AUTS2: variants seen among roughly 807,000 people sequenced by gnomAD.
AUTS2 encodes the protein activator of transcription and developmental regulator AUTS2, also known as autism susceptibility gene 2 protein.
In AUTS2, 17 loss-of-function variants were observed where a neutral mutation model predicts 112.4. That is an observed-to-expected ratio of 0.15 (90% CI 0.10 to 0.23). The LOEUF is 0.23. AUTS2 is among the 10% of genes least tolerant of loss of function. The pLI, the probability that AUTS2 is intolerant of heterozygous loss-of-function variation, is 1.00. For missense variants in AUTS2, 1,510 were observed against 1,701.6 expected, an observed-to-expected ratio of 0.89 and a Z score of 1.98; for synonymous variants, 751 against 702.7, an observed-to-expected ratio of 1.07 and a Z score of -1.09.
At chr7:70,421,538 A>G (rs905972234) in intron 4 of AUTS2, among the ~76,000 whole-genome samples, 4 of 152,178 alleles carry the variant, frequency 2.6e-5, no homozygotes, top group African/African-American at 7.2e-5. Context: ...GCCAGGAGAC[A>G]AAGCAAATGA....
At chr7:70,190,131 C>A (rs943402171) in intron 4 of AUTS2, among the ~76,000 whole-genome samples, 3 of 152,094 alleles carry the variant, frequency 2.0e-5, no homozygotes, top group Admixed American at 6.5e-5. Flanking sequence ...AGAAATATTG[C>A]CCTTCTAGCT....
intron 2 of AUTS2, among the ~76,000 whole-genome samples, chr7:69,905,434 G>A (rs1419454894): frequency 2.0e-5 from 3 of 152,122 alleles, no homozygotes; most frequent in Admixed American, 2.0e-4. Flanking sequence ...CTGCAAGATG[G>A]AGACCCTGGG....
chr7:70,107,779 C>T (rs1436384333), intron 2 of AUTS2, among the ~76,000 whole-genome samples: 10 of 150,058 alleles, frequency 6.7e-5, no homozygotes, highest in South Asian at 2.1e-4. Context: ...TTTGGGAGGC[C>T]GAGGCAGGCA....
At chr7:70,240,690 A>G (rs1562813360) in intron 4 of AUTS2, among the ~76,000 whole-genome samples, 2 of 152,364 alleles carry the variant, frequency 1.3e-5, no homozygotes, top group Middle Eastern at 3.4e-3. Flanking sequence ...TAGCATGTGC[A>G]ATATGGTAAT....
chr7:70,460,429 C>G (rs1265627373), intron 5 of AUTS2, among the ~76,000 whole-genome samples: 4 of 140,318 alleles, frequency 2.9e-5, no homozygotes, highest in African/African-American at 2.7e-5. Context: ...TGGCTCACTG[C>G]AAGCTCCACT....
intron 1 of AUTS2, among the ~76,000 whole-genome samples, chr7:69,649,718 A>G (rs1190844449): frequency 6.6e-6 from 1 of 152,142 alleles, no homozygotes; most frequent in Non-Finnish European, 1.5e-5. Context: ...AAAAAGCTAA[A>G]TCCAGCAAAT....
At position 69,971,805 on chromosome 7, in the gene AUTS2, A is replaced by G. The variant is rs534366755; in HGVS notation, c.522+72307A>G. 1.1e-4 allele frequency among the ~76,000 whole-genome samples: 16 copies of G among 152,300 alleles called. No individual in the cohort carries two copies. The South Asian group carries it at 1.9e-3, about 18-fold the overall frequency. On this transcript the variant is annotated intron_variant, in intron 2 of 18. Transcript: ENST00000342771. ...GCTATTAGTTTCTGAGTAGTATTCT[A>G]TGGTATGGGTGTACCATAGTTTATT...
chr7:70,287,519 A>G (rs1788516017), intron 4 of AUTS2, among the ~76,000 whole-genome samples: 1 of 152,200 alleles, frequency 6.6e-6, no homozygotes, highest in South Asian at 2.1e-4. Flanking sequence ...AGATTATTCA[A>G]CTAAACTAGT....
Position 70,215,115 on chromosome 7 carries a change from T to A in AUTS2, c.660+80544T>A, listed in dbSNP as rs545405752. ...GCCTGGGCAACATACTGAGACCCCG[T>A]CTCTACAAAAAGTACAAAAATTAGC... On this transcript the variant is annotated intron_variant, in intron 4 of 18. Coordinates refer to ENST00000342771, the MANE Select transcript of AUTS2 (RefSeq NM_015570.4). 2.6e-5 allele frequency among the ~76,000 whole-genome samples: 4 copies of A among 152,176 alleles called. No homozygotes were observed. In the South Asian group the frequency reaches 6.2e-4, roughly 24 times the overall value.
At chr7:70,081,047 G>A (rs963741740) in intron 2 of AUTS2, among the ~76,000 whole-genome samples, 7 of 152,120 alleles carry the variant, frequency 4.6e-5, no homozygotes, top group South Asian at 2.1e-4. Context: ...CAGCTAATGC[G>A]TGAGGATTTA....
chr7:69,744,812 A>G (rs1233499671), intron 1 of AUTS2, among the ~76,000 whole-genome samples: 1 of 152,234 alleles, frequency 6.6e-6, no homozygotes, highest in East Asian at 1.9e-4. Flanking sequence ...CCTAGGTGAC[A>G]GAGTGAGACC....
chr7:70,741,368 G>A (rs574493977), intron 6 of AUTS2, among the ~76,000 whole-genome samples: 2 of 151,776 alleles, frequency 1.3e-5, no homozygotes, highest in South Asian at 2.1e-4. Flanking sequence ...AGTAAAAACA[G>A]TAACTTAGTT....
At chr7:69,686,012 C>A (rs1797049829) in intron 1 of AUTS2, among the ~76,000 whole-genome samples, 1 of 152,064 alleles carries the variant, frequency 6.6e-6, no homozygotes, top group Non-Finnish European at 1.5e-5. Flanking sequence ...CTTCTGTTTT[C>A]AAATATTTAG....
At chr7:69,801,320 G>C (rs1229552306) in intron 1 of AUTS2, among the ~76,000 whole-genome samples, 2 of 151,182 alleles carry the variant, frequency 1.3e-5, no homozygotes, top group African/African-American at 4.9e-5. Context: ...AAAGGAGATG[G>C]AAGTTGATAC....
At chr7:69,846,969 G>C (rs1792231303) in intron 1 of AUTS2, among the ~76,000 whole-genome samples, 1 of 152,156 alleles carries the variant, frequency 6.6e-6, no homozygotes, top group Non-Finnish European at 1.5e-5. Flanking sequence ...AAGTTATATA[G>C]TAGCAGGTGG....
intron 5 of AUTS2, among the ~76,000 whole-genome samples, chr7:70,692,429 T>C (rs568903547): frequency 6.6e-6 from 1 of 152,244 alleles, no homozygotes; most frequent in Non-Finnish European, 1.5e-5. Context: ...GAACATTTCA[T>C]GTCCACCTTT....
At chr7:70,187,461 C>A (rs1809663065) in intron 4 of AUTS2, among the ~76,000 whole-genome samples, 2 of 151,970 alleles carry the variant, frequency 1.3e-5, no homozygotes, top group African/African-American at 4.8e-5. Flanking sequence ...GTAAGTCTTG[C>A]CTTTCAGATA....
rs939728653 is a variant in AUTS2 at position 70,788,049 on chromosome 7, T to TA, written c.2531+628dup. On this transcript the variant is annotated intron_variant, in intron 18 of 18. Coordinates refer to ENST00000342771, the MANE Select transcript of AUTS2 (RefSeq NM_015570.4). ...GTCTCTGCACTTGGTAACCCATGCC[T>TA]AAAAAAAAAAGTAGCGTTAAACAGG... Among the ~76,000 whole-genome samples the TA allele has an allele frequency of 2.0e-4, 30 of 148,196 alleles. 1 individual carries two copies. The highest frequency in any genetic ancestry group is 1.0e-4 in the Non-Finnish European group (7 of 66,758).
intron 1 of AUTS2, among the ~76,000 whole-genome samples, chr7:69,731,523 G>A (rs1184704360): frequency 6.6e-6 from 1 of 152,150 alleles, no homozygotes; most frequent in Non-Finnish European, 1.5e-5. Context: ...GTAAGTAGTA[G>A]CTGTTATTAC....
Sources: gnomAD v4.1 joint callset for allele counts (sites outside exome capture counted in the v4.1 genomes callset) on GRCh38, gnomAD v4.1.1 for gene constraint, MANE v1.5 for transcripts, NCBI Gene and HGNC (gene_info 2026-07-23, HGNC 2026-07-21) for gene names.